Variants in KIF19 observed in about 807,000 individuals in gnomAD.
The protein encoded by KIF19 is kinesin family member 19, also known as kinesin-like protein KIF19.
KIF19 carries 98 observed loss-of-function variants against 106.6 expected under a neutral mutation model. The ratio of observed to expected loss-of-function variants is 0.92; its 90% confidence interval spans 0.78 to 1.09. The LOEUF is 1.09. Ranked by LOEUF, KIF19 falls within the 50% of genes least tolerant of loss-of-function variation. The pLI, the probability that KIF19 is intolerant of heterozygous loss-of-function variation, is 0.00. For missense variants in KIF19, 1,373 were observed against 1,414.3 expected, an observed-to-expected ratio of 0.97 and a Z score of 0.47; for synonymous variants, 516 against 584.2, an observed-to-expected ratio of 0.88 and a Z score of 1.68.
intron 1 of KIF19, among the ~76,000 whole-genome samples, chr17:74,327,526 G>A (rs2053946871): frequency 6.6e-6 from 1 of 152,186 alleles, no homozygotes; most frequent in African/African-American, 2.4e-5. Context: ...TTCTCACCCA[G>A]GCTGGAGTGA....
intron 9 of KIF19, chr17:74,348,541 A>G (rs1205077990): frequency 1.9e-5 from 3 of 160,104 alleles, no homozygotes; most frequent in Middle Eastern, 5.1e-4. Context: ...TGTAGGGAAC[A>G]TTCTCCCAAC....
intron 12 of KIF19, 51 bp from the exon 13 acceptor site, chr17:74,351,816 C>A (rs1196376316): frequency 1.5e-6 from 2 of 1,367,052 alleles, no homozygotes; most frequent in Admixed American, 4.0e-5. Flanking sequence ...GCTGGGCAGG[C>A]GGATCGGACC....
chr17:74,341,481 C>T (rs1363784439), intron 2 of KIF19, among the ~76,000 whole-genome samples: 3 of 152,174 alleles, frequency 2.0e-5, no homozygotes, highest in East Asian at 3.9e-4. Flanking sequence ...GGTCTGGGCT[C>T]GTGGTAGCCT....
intron 9 of KIF19, chr17:74,348,804 G>A (rs1203949200): frequency 4.5e-6 from 1 of 221,600 alleles, no homozygotes; most frequent in Non-Finnish European, 9.0e-6. Context: ...CAGAAAGGTG[G>A]GAGCAGGGAG....
intron 2 of KIF19, among the ~76,000 whole-genome samples, chr17:74,332,992 C>T (rs573049320): frequency 1.4e-4 from 22 of 152,274 alleles, no homozygotes; most frequent in African/African-American, 4.6e-4. Context: ...TAAGGGGGAG[C>T]GCAGCCACGC....
In KIF19 at chr17:74,346,647, G is replaced by A; in HGVS notation, c.924+123G>A. 1 of 829,776 alleles carries A rather than the reference G, an allele frequency of 1.2e-6. No homozygotes were observed. The highest frequency in any genetic ancestry group is 1.9e-6 in the Non-Finnish European group (1 of 532,078). 51.4% of individuals were successfully genotyped at this position (829,776 alleles called of 1,614,324 possible). A position where few individuals can be genotyped will look rare whatever the true frequency, so the allele number is the denominator to read the frequency against. On this transcript the variant is annotated intron_variant, in intron 8 of 19. Coordinates refer to ENST00000389916, the MANE Select transcript of KIF19 (RefSeq NM_153209.4). The surrounding 1 kb of genome is among the most constrained non-coding windows in gnomAD (Gnocchi z 4.6). Reference sequence around the variant, plus strand: ...AGGATACACAGCAAAATTTATTTTAGCGTAAATATGTCCCATGAAATATTT... The same window carrying A: ...AGGATACACAGCAAAATTTATTTTAACGTAAATATGTCCCATGAAATATTT...
intron 2 of KIF19, among the ~76,000 whole-genome samples, chr17:74,341,242 C>T (rs2054364492): frequency 1.3e-5 from 2 of 151,858 alleles, no homozygotes; most frequent in Non-Finnish European, 2.9e-5. Flanking sequence ...TCACTGAACC[C>T]AGGAGGTGGA....
chr17:74,333,245 A>T (rs1008072579), intron 2 of KIF19, among the ~76,000 whole-genome samples: 5 of 151,738 alleles, frequency 3.3e-5, no homozygotes, highest in African/African-American at 9.7e-5. Context: ...CCGCTTAGCC[A>T]CCTGCCTGTG....
chr17:74,350,279 G>T, intron 10 of KIF19, 122 bp from the exon 11 acceptor site: 1 of 881,244 alleles, frequency 1.1e-6, no homozygotes. Flanking sequence ...GGAGGAAGCA[G>T]TTGGACAGGA....
At chr17:74,351,762 C>G in intron 12 of KIF19, 105 bp from the exon 13 acceptor site, 1 of 1,275,510 alleles carries the variant, frequency 7.8e-7, no homozygotes, top group Non-Finnish European at 1.0e-6. Context: ...GGCTGGAGCT[C>G]CAGACAGATG....
At position 74,340,334 on chromosome 17, in the gene KIF19, G is replaced by T. The variant is rs978753675; in HGVS notation, c.121-1542G>T. 2.0e-5 allele frequency among the ~76,000 whole-genome samples: 3 copies of T among 152,068 alleles called. No homozygotes were observed. In the South Asian group the frequency reaches 6.2e-4, roughly 31 times the overall value. ...ATCCCCTCCCATACCCTAGACTAGG[G>T]CCCCCAGCAAGGACGCAGCCTCCTT... is the stretch of plus-strand genomic sequence containing the variant. On this transcript the variant is annotated intron_variant, in intron 2 of 19. Coordinates refer to ENST00000389916, the MANE Select transcript of KIF19 (RefSeq NM_153209.4).
In KIF19 at chr17:74,354,213, G is replaced by T; in HGVS notation, c.2360G>T (p.Arg787Leu). ...AAGTGCATCTGGGTGAAGGCCGCCC[G>T]GCGGCGCTCGCGGGCCCTGGGAACC... The part of the protein sequence containing the change: ...GTKCIWVKAA[R>L]RRSRALGTEG... Residue 787 changes from arginine (R) to leucine (L), a missense_variant, in exon 18 of 20, where the codon CGG becomes CTG. Coordinates refer to ENST00000389916, the MANE Select transcript of KIF19 (RefSeq NM_153209.4). 6.2e-7 allele frequency: 1 copy of T among 1,609,302 alleles called. No individual in the cohort carries two copies. The highest frequency in any genetic ancestry group is 8.5e-7 in the Non-Finnish European group (1 of 1,179,420).
At position 74,352,446 on chromosome 17, in the gene KIF19, C is replaced by T; in HGVS notation, c.1980+106C>T. 4 of 1,392,282 alleles carry T rather than the reference C, an allele frequency of 2.9e-6. No individual in the cohort carries two copies. The South Asian group carries it at 4.4e-5, about 15-fold the overall frequency. The allele number at this position is 1,392,282 out of a possible 1,614,324, so 86.2% of individuals were successfully genotyped here. ...GCTGGAGGGGACAGGACCAGGCTGG[C>T]TGGCACCCCAGGGAGTTGACTCCCT... On this transcript the variant is annotated intron_variant, in intron 14 of 19. Transcript: ENST00000389916.
chr17:74,353,777 G>T (rs540855685), intron 17 of KIF19, among the ~76,000 whole-genome samples, 196 bp downstream of exon 17: 1 of 152,292 alleles, frequency 6.6e-6, no homozygotes, highest in East Asian at 1.9e-4. Context: ...CTAAGTCAAG[G>T]ACATTTAGAG....
In KIF19 at chr17:74,354,785, T is replaced by C; in HGVS notation, c.2710T>C (p.Ser904Pro). Reference sequence around the variant, plus strand: ...CCCCACTGTTCAACCATCACAGCTCTCCCACCCCAAGACACACCTCCTGGG... The same window carrying C: ...CCCCACTGTTCAACCATCACAGCTCCCCCACCCCAAGACACACCTCCTGGG... ...RSFEVTGQGL[S>P]HPKTHLLGPH... Residue 904 changes from serine (S) to proline (P), a missense_variant, in exon 19 of 20, where the codon TCC becomes CCC. Around this residue, in one of 3 missense-constraint regions of KIF19, gnomAD observed 1,020 missense variants for 1,008.2 expected, o/e 1.01. Transcript: ENST00000389916. 6.4e-7 allele frequency: 1 copy of C among 1,555,676 alleles called. No homozygotes were observed. The highest frequency in any genetic ancestry group is 8.7e-7 in the Non-Finnish European group (1 of 1,149,282).
chr17:74,353,425 C>T lies in KIF19; in HGVS notation c.2221-69C>T, dbSNP rs2054777520. On this transcript the variant is annotated intron_variant, in intron 16 of 19. Transcript: ENST00000389916. ...GCACCAGCTTGAGGCCCCGCTGTCT[C>T]TGCTGAGTGGGGCATGGGGTCCCTG... is the stretch of plus-strand genomic sequence containing the variant. The T allele has an allele frequency of 1.1e-5, 17 of 1,499,600 alleles. No homozygotes were observed. The South Asian group carries it at 1.7e-4, about 15-fold the overall frequency. 92.9% of individuals were successfully genotyped at this position (1,499,600 alleles called of 1,614,324 possible). A position where few individuals can be genotyped will look rare whatever the true frequency, so the allele number is the denominator to read the frequency against.
rs368879250 is a variant in KIF19, at chr17:74,349,173, G to A, written c.1048-11G>A. 7.4e-6 allele frequency: 12 copies of A among 1,613,536 alleles called. No individual in the cohort carries two copies. In the African/African-American group the frequency reaches 1.5e-4, roughly 20 times the overall value. ...ACTGCATCCCCTCCGCTCCATACGT[G>A]TTCCCTGCAGGTGAAGCAGAACCTC... On this transcript the variant is annotated splice_polypyrimidine_tract_variant and intron_variant, in intron 9 of 19. Coordinates refer to ENST00000389916, the MANE Select transcript of KIF19 (RefSeq NM_153209.4).
At chr17:74,329,810 G>A (rs978383576) in intron 2 of KIF19, among the ~76,000 whole-genome samples, 3 of 152,344 alleles carry the variant, frequency 2.0e-5, no homozygotes, top group African/African-American at 4.8e-5. Flanking sequence ...TAGGAGCATC[G>A]TGGTGGTAGG....
At chr17:74,334,395 C>T (rs1029008986) in intron 2 of KIF19, among the ~76,000 whole-genome samples, 1 of 152,136 alleles carries the variant, frequency 6.6e-6, no homozygotes, top group East Asian at 1.9e-4. Context: ...TATAAGCTCC[C>T]TGGGTGACTC....
Sources: allele counts gnomAD v4.1 joint callset (sites outside exome capture counted in the v4.1 genomes callset), GRCh38; gene constraint gnomAD v4.1.1; regional missense constraint gnomAD v4.1.1; non-coding constraint Gnocchi (gnomAD v3.1); transcripts MANE v1.5; gene names NCBI Gene and HGNC (gene_info 2026-07-23, HGNC 2026-07-21).